Variants in LRPPRC observed in about 807,000 individuals in gnomAD.
The protein encoded by LRPPRC is leucine rich pentatricopeptide repeat containing.
A neutral mutation model predicts 180.3 loss-of-function variants in LRPPRC; 120 were observed. That is an observed-to-expected ratio of 0.67 (90% CI 0.57 to 0.77). The LOEUF (loss-of-function observed/expected upper bound fraction) is 0.77. LRPPRC is among the 30% of genes least tolerant of loss of function. The pLI is 0.00. For synonymous variants in LRPPRC, 723 were observed against 600.0 expected, an observed-to-expected ratio of 1.21 and a Z score of -3.00; for missense variants, 2,012 against 1,657.2, an observed-to-expected ratio of 1.21 and a Z score of -3.72.
At chr2:43,957,960 A>C (rs907173407) in intron 13 of LRPPRC, among the ~76,000 whole-genome samples, 1 of 152,334 alleles carries the variant, frequency 6.6e-6, no homozygotes. Context: ...GTAACCACCT[A>C]AAGTAATAAT....
chr2:43,976,849 G>A (rs1261479834), intron 5 of LRPPRC, 145 bp downstream of exon 5: 2 of 665,936 alleles, frequency 3.0e-6, no homozygotes, highest in Non-Finnish European at 5.3e-6. Flanking sequence ...TTTTATGTAA[G>A]TCAGATTACC....
At chr2:43,985,554 C>A (rs9653493) in intron 1 of LRPPRC, among the ~76,000 whole-genome samples, 85,449 of 151,974 alleles carry the variant, frequency 0.56, 25,114 homozygotes, top group African/African-American at 0.63. Context: ...TTTTGCCTTT[C>A]CCAGAATGTC....
intron 29 of LRPPRC, among the ~76,000 whole-genome samples, chr2:43,916,216 T>C (rs1035321510): frequency 2.6e-5 from 4 of 152,084 alleles, no homozygotes; most frequent in Non-Finnish European, 5.9e-5. Context: ...ATCCTTGAAA[T>C]CCACCCCAAA....
At chr2:43,940,616 ACCAACATAAT>A (rs768904981) in intron 23 of LRPPRC, among the ~76,000 whole-genome samples, 8 of 152,188 alleles carry the variant, frequency 5.3e-5, no homozygotes, top group Non-Finnish European at 8.8e-5. Context: ...GATCACTTGC[ACCAACATAAT>A]CCAGTTAAAC....
intron 11 of LRPPRC, among the ~76,000 whole-genome samples, chr2:43,967,628 A>G (rs1409368724): frequency 6.6e-6 from 1 of 152,156 alleles, no homozygotes; most frequent in East Asian, 1.9e-4. Context: ...CAGGAGGCAA[A>G]GGTTACAGTG....
At chr2:43,898,824 T>C (rs1396615134) in intron 34 of LRPPRC, among the ~76,000 whole-genome samples, 2 of 152,244 alleles carry the variant, frequency 1.3e-5, no homozygotes, top group Non-Finnish European at 2.9e-5. Context: ...GCAAACTGTG[T>C]TGCCATGGTG....
intron 1 of LRPPRC, among the ~76,000 whole-genome samples, chr2:43,993,446 A>G (rs896963844): frequency 2.6e-5 from 4 of 152,128 alleles, no homozygotes; most frequent in Admixed American, 2.6e-4. Flanking sequence ...CAGCGGTGTG[A>G]CTGCAGTGGA....
intron 29 of LRPPRC, among the ~76,000 whole-genome samples, chr2:43,915,232 T>TCTCA (rs1174216406): frequency 9.6e-5 from 5 of 51,884 alleles, no homozygotes; most frequent in Non-Finnish European, 1.4e-4. Flanking sequence ...TCTCTCTCTC[T>TCTCA]CACACACACA....
intron 30 of LRPPRC, among the ~76,000 whole-genome samples, chr2:43,907,352 G>C (rs931461198): frequency 6.6e-6 from 1 of 152,102 alleles, no homozygotes; most frequent in Non-Finnish European, 1.5e-5. Flanking sequence ...AGTGGCAAAA[G>C]GAAAAAATTT....
intron 23 of LRPPRC, among the ~76,000 whole-genome samples, chr2:43,943,145 C>T (rs1053436634): frequency 1.3e-5 from 2 of 151,986 alleles, no homozygotes; most frequent in African/African-American, 4.8e-5. Flanking sequence ...ATTTACATTG[C>T]AAATAATGCC....
At position 43,950,718 on chromosome 2, in the gene LRPPRC, T is replaced by A. The variant is rs1391357395; in HGVS notation, c.1650-118A>T. The A allele has an allele frequency of 6.5e-6, 5 of 769,404 alleles. No homozygotes were observed. In the East Asian group the frequency reaches 1.3e-4, roughly 21 times the overall value. 47.7% of individuals were successfully genotyped at this position (769,404 alleles called of 1,614,324 possible). On this transcript the variant is annotated intron_variant, in intron 14 of 37. Transcript: ENST00000260665. ...AATAAGTAAATAAATGTTTGCTGTA[T>A]CAGGATGAATTTTCAGGACAAAGGT... is the stretch of plus-strand genomic sequence containing the variant.
chr2:43,956,529 G>A (rs2103646565), intron 14 of LRPPRC, among the ~76,000 whole-genome samples: 1 of 146,204 alleles, frequency 6.8e-6, no homozygotes, highest in South Asian at 2.2e-4. Context: ...ACTTTCTTGT[G>A]TAGAGAAAGA....
chr2:43,978,869 A>G (rs1297672163), intron 3 of LRPPRC, among the ~76,000 whole-genome samples: 4 of 152,092 alleles, frequency 2.6e-5, no homozygotes, highest in Non-Finnish European at 5.9e-5. Context: ...TAGAAGAGGT[A>G]TGGATTCTTA....
intron 3 of LRPPRC, among the ~76,000 whole-genome samples, chr2:43,978,579 G>C (rs1487800165): frequency 6.6e-6 from 1 of 151,854 alleles, no homozygotes; most frequent in East Asian, 1.9e-4. Flanking sequence ...CTAATTTTTA[G>C]AGATTCAATA....
At chr2:43,939,489 T>C (rs943237448) in intron 23 of LRPPRC, among the ~76,000 whole-genome samples, 6 of 151,852 alleles carry the variant, frequency 4.0e-5, no homozygotes, top group African/African-American at 1.5e-4. Context: ...GAAAAAAGTT[T>C]AAAAAAGAAA....
At chr2:43,973,571 G>A in intron 11 of LRPPRC, 36 bp downstream of exon 11, 1 of 1,336,266 alleles carries the variant, frequency 7.5e-7, no homozygotes, top group Non-Finnish European at 1.1e-6. Context: ...ACTGGCTCTG[G>A]GAACCATTAC....
At chr2:43,995,747 C>T (rs1675024353) in intron 1 of LRPPRC, 52 bp downstream of exon 1, 1 of 1,345,074 alleles carries the variant, frequency 7.4e-7, no homozygotes, top group Non-Finnish European at 9.5e-7. Flanking sequence ...ACCCACGACC[C>T]CGGGGGACCC....
chr2:43,934,783 T>G lies in LRPPRC; in HGVS notation c.2600A>C (p.Glu867Ala). ...CTGAATTAGATCAGTCTCGCCTTTC[T>G]CTACCAGTTTACACAAGACATCATG... ...RIHDVLCKLV[E>A]KGETDLIQKA... Residue 867 changes from glutamate (E) to alanine (A), a missense_variant, in exon 24 of 38, where the codon GAG becomes GCG. By Grantham distance (107) the Glu-to-Ala change is moderately radical. Coordinates refer to ENST00000260665, the MANE Select transcript of LRPPRC (RefSeq NM_133259.4). 6.2e-7 allele frequency: 1 copy of G among 1,612,826 alleles called. No individual in the cohort carries two copies. The highest frequency in any genetic ancestry group is 1.7e-5 in the Admixed American group (1 of 60,016).
At position 43,886,604 on chromosome 2, in the gene LRPPRC, T is replaced by C. The variant is rs1349853788; in HGVS notation, c.*1996A>G. On this transcript the variant is annotated 3_prime_UTR_variant, in exon 38 of 38. Coordinates refer to ENST00000260665, the MANE Select transcript of LRPPRC (RefSeq NM_133259.4). ...ATAAGGGGGTCTTACCTATTTCCTC[T>C]GTACCACACTCACATTTTACCAGAG... 1 of 152,238 alleles carries C rather than the reference T, an allele frequency of 6.6e-6. No homozygotes were observed. The highest frequency in any genetic ancestry group is 1.5e-5 in the Non-Finnish European group (1 of 68,042). 9.4% of individuals were successfully genotyped at this position (152,238 alleles called of 1,614,324 possible).
Sources: gnomAD v4.1 joint callset for allele counts (sites outside exome capture counted in the v4.1 genomes callset) on GRCh38, gnomAD v4.1.1 for gene constraint, MANE v1.5 for transcripts, NCBI Gene and HGNC (gene_info 2026-07-23, HGNC 2026-07-21) for gene names.